ZNF385D: variants seen among roughly 807,000 people sequenced by gnomAD.
ZNF385D encodes zinc finger protein 659.
A neutral mutation model predicts 35.8 loss-of-function variants in ZNF385D; 15 were observed. The ratio of observed to expected loss-of-function variants is 0.42; its 90% confidence interval spans 0.28 to 0.64. The LOEUF (loss-of-function observed/expected upper bound fraction) is 0.64. ZNF385D is among the 30% of genes least tolerant of loss of function. The pLI is 0.23. For missense variants in ZNF385D, 474 were observed against 494.6 expected (o/e 0.96, Z 0.39); for synonymous variants, 212 against 186.8 (o/e 1.13, Z -1.10).
chr3:21,697,949 C>A (rs1317746514), intron 1 of ZNF385D, among the ~76,000 whole-genome samples: 1 of 152,096 alleles, frequency 6.6e-6, no homozygotes, highest in Admixed American at 6.6e-5. Context: ...AAAAAACCAA[C>A]AGATATCGTC....
upstream of ZNF385D, among the ~76,000 whole-genome samples, chr3:21,754,052 A>T (rs937727204): frequency 3.3e-5 from 5 of 152,346 alleles, no homozygotes; most frequent in East Asian, 1.9e-4. Context: ...GTATTCCATT[A>T]TGTATATATG....
intron 3 of ZNF385D, among the ~76,000 whole-genome samples, chr3:21,836,922 T>C (rs922532820): frequency 2.0e-5 from 3 of 152,032 alleles, no homozygotes; most frequent in Non-Finnish European, 4.4e-5. Flanking sequence ...TCTTCTTCTC[T>C]TCCCTCCTTG....
chr3:21,653,217 A>C (rs779585492), intron 2 of ZNF385D, among the ~76,000 whole-genome samples: 10 of 152,180 alleles, frequency 6.6e-5, no homozygotes, highest in Non-Finnish European at 1.2e-4. Context: ...ATTTCCATGT[A>C]AAAATAATTC....
chr3:22,327,793 C>G (rs1454943518), intron 2 of ZNF385D, among the ~76,000 whole-genome samples: 1 of 152,136 alleles, frequency 6.6e-6, no homozygotes, highest in Non-Finnish European at 1.5e-5. Flanking sequence ...TGTGATTTAT[C>G]GACTTTGTCC....
At chr3:21,965,157 A>T (rs964578588) in intron 3 of ZNF385D, among the ~76,000 whole-genome samples, 2 of 152,188 alleles carry the variant, frequency 1.3e-5, no homozygotes, top group Non-Finnish European at 2.9e-5. Context: ...TAGAATTGCA[A>T]ATTAATATCT....
chr3:21,472,438 C>G (rs191803763), intron 4 of ZNF385D, among the ~76,000 whole-genome samples: 2 of 152,154 alleles, frequency 1.3e-5, no homozygotes, highest in Non-Finnish European at 2.9e-5. Context: ...GAAATCTGAT[C>G]ATCAGCCGTA....
At position 21,416,903 on chromosome 3, in the gene ZNF385D, A is replaced by G. The variant is rs1029652778; in HGVS notation, c.*4311T>C. The G allele has an allele frequency of 1.3e-5, 2 of 152,046 alleles. No individual in the cohort carries two copies. Among genetic ancestry groups the G allele is most frequent in the African/African-American group, 4.8e-5 (2 of 41,396 alleles). The allele number at this position is 152,046 out of a possible 1,614,324, so 9.4% of individuals were successfully genotyped here. ...AATTGTTGTTCCCTTCCACACCCCC[A>G]CTGCCAGCTGTCTATTGCCTTTTTC... On this transcript the variant is annotated 3_prime_UTR_variant, in exon 8 of 8. Transcript: ENST00000281523.
intron 2 of ZNF385D, among the ~76,000 whole-genome samples, chr3:22,294,367 C>T (rs1559503662): frequency 1.3e-5 from 2 of 151,990 alleles, no homozygotes; most frequent in East Asian, 3.9e-4. Flanking sequence ...TCATATTTTT[C>T]AATATCTCCT....
chr3:21,635,567 G>C (rs2125845009), intron 2 of ZNF385D, among the ~76,000 whole-genome samples: 1 of 151,932 alleles, frequency 6.6e-6, no homozygotes, highest in South Asian at 2.1e-4. Context: ...TTGTTTTGTT[G>C]TTGTTGTTGT....
chr3:22,189,963 C>T (rs1256423218), intron 2 of ZNF385D, among the ~76,000 whole-genome samples: 4 of 152,090 alleles, frequency 2.6e-5, no homozygotes, highest in Admixed American at 2.0e-4. Flanking sequence ...CCTCATATTA[C>T]CATCTGTTAT....
chr3:22,157,202 T>C (rs1400224897), intron 3 of ZNF385D, among the ~76,000 whole-genome samples: 3 of 152,118 alleles, frequency 2.0e-5, no homozygotes, highest in Non-Finnish European at 2.9e-5. Flanking sequence ...TTTCTTTACT[T>C]TCCTTTGTAT....
intron 2 of ZNF385D, among the ~76,000 whole-genome samples, chr3:21,610,555 G>A (rs963743029): frequency 6.6e-6 from 1 of 152,038 alleles, no homozygotes; most frequent in Admixed American, 6.5e-5. Flanking sequence ...TGGATCATGA[G>A]GTCAGGAGAT....
Position 21,790,156 on chromosome 3 carries a change from T to A in ZNF385D, c.326-125128A>T, listed in dbSNP as rs568624531. Among the ~76,000 whole-genome samples the A allele has an allele frequency of 1.8e-4, 27 of 152,154 alleles. 1 individual carries two copies. Among genetic ancestry groups the A allele is most frequent in the Admixed American group, 7.9e-4 (12 of 15,280 alleles). ...GACATGTATTAAACTGCTAACAATG[T>A]TGGCCTCTGAGGAAGAAGTCTCGGG... On this transcript the variant is annotated intron_variant, in intron 3 of 5. Transcript: ENST00000494108.
chr3:22,359,957 T>C (rs1696339851), intron 2 of ZNF385D, among the ~76,000 whole-genome samples: 1 of 151,924 alleles, frequency 6.6e-6, no homozygotes, highest in Non-Finnish European at 1.5e-5. Context: ...AATTGAGTTC[T>C]TAAACGTATG....
intron 3 of ZNF385D, among the ~76,000 whole-genome samples, chr3:21,997,504 T>TA (rs567180603): frequency 5.4e-5 from 8 of 148,514 alleles, no homozygotes; most frequent in East Asian, 3.9e-4. Flanking sequence ...ATAATAATAA[T>TA]AAAAAAATGT....
In ZNF385D at chr3:21,946,746, C is replaced by A. The variant is rs1274461977; in HGVS notation, c.325+222071G>T. Among the ~76,000 whole-genome samples, 61 of 152,204 alleles carry A rather than the reference C, an allele frequency of 4.0e-4. 2 individuals carry two copies. Among genetic ancestry groups the A allele is most frequent in the Non-Finnish European group, 1.8e-4 (12 of 68,038 alleles). On this transcript the variant is annotated intron_variant, in intron 3 of 5. Transcript: ENST00000494108. The stretch of plus-strand genomic sequence containing the variant: ...ACTAGGGAGGCTGAAGCAGGAGAAA[C>A]ACTTGAACCCAAGAGGCGGAGGTTG...
At chr3:22,024,832 G>C (rs886190812) in intron 3 of ZNF385D, among the ~76,000 whole-genome samples, 1 of 152,116 alleles carries the variant, frequency 6.6e-6, no homozygotes, top group African/African-American at 2.4e-5. Context: ...GAAAGAAAAT[G>C]ATGACCTCAG....
chr3:21,774,010 G>A (rs2071187436), intron 3 of ZNF385D, among the ~76,000 whole-genome samples: 2 of 151,974 alleles, frequency 1.3e-5, no homozygotes, highest in Admixed American at 1.3e-4. Context: ...TCAAGACATG[G>A]AGTCAACCCA....
intron 2 of ZNF385D, among the ~76,000 whole-genome samples, chr3:22,334,338 T>C (rs992794618): frequency 2.0e-5 from 3 of 152,200 alleles, no homozygotes; most frequent in African/African-American, 4.8e-5. Context: ...ACAAATTAGA[T>C]AGTATTGACT....
Sources: gnomAD v4.1 joint callset for allele counts (sites outside exome capture counted in the v4.1 genomes callset) on GRCh38, gnomAD v4.1.1 for gene constraint, MANE v1.5 for transcripts, NCBI Gene and HGNC (gene_info 2026-07-23, HGNC 2026-07-21) for gene names.